The following MYO1F variants were observed in gnomAD, a reference collection of about 807,000 sequenced individuals.
The protein encoded by MYO1F is myosin IF, also known as unconventional myosin-If.
A neutral mutation model predicts 146.6 loss-of-function variants in MYO1F; 60 were observed. The observed-to-expected ratio is 0.41, with a 90% confidence interval of 0.33 to 0.51. The LOEUF is 0.51. Ranked by LOEUF, MYO1F falls within the 20% of genes least tolerant of loss-of-function variation. The pLI is 0.25. For synonymous variants in MYO1F, 602 were observed against 602.1 expected (o/e 1.00, Z 0.00); for missense variants, 1,274 against 1,534.3 (o/e 0.83, Z 2.83).
chr19:8,540,127 A>T, intron 15 of MYO1F, 99 bp from the exon 16 acceptor site: 1 of 887,836 alleles, frequency 1.1e-6, no homozygotes, highest in Non-Finnish European at 1.7e-6. Flanking sequence ...AACGCAAAAT[A>T]TGGTTCTCTC....
At position 8,526,821 on chromosome 19, in the gene MYO1F, C is replaced by T; in HGVS notation, c.2589G>A (p.Thr863=). The T allele has an allele frequency of 6.2e-7, 1 of 1,613,320 alleles. No homozygotes were observed. ...SLLCKRFEEA[T]RRPLPLTFSD... The stretch of plus-strand genomic sequence containing the variant: ...TGAAGGTGAGGGGCAGGGGCCTCCG[C>T]GTCGCCTCCTCGAAGCGCTTGCACA... The change falls in exon 23 of 28, where the codon ACG becomes ACA. Residue 863 remains threonine (T), a synonymous_variant. Transcript: ENST00000644032.
intron 2 of MYO1F, 87 bp downstream of exon 2, chr19:8,555,572 C>T: frequency 1.3e-6 from 2 of 1,581,072 alleles, no homozygotes; most frequent in African/African-American, 2.7e-5. Context: ...CCCATTCCTC[C>T]CTCTGCTCCT....
chr19:8,574,566 T>TCTTTCTTC (rs2042174628), intron 1 of MYO1F, among the ~76,000 whole-genome samples: 5 of 86,820 alleles, frequency 5.8e-5, no homozygotes, highest in Non-Finnish European at 1.2e-4. Flanking sequence ...TTTCTTTCTT[T>TCTTTCTTC]CTTTCTTTCT....
rs376311227 is a variant in MYO1F at position 8,539,943 on chromosome 19, C to G, written c.1692+4G>C. On this transcript the variant is annotated splice_donor_region_variant and intron_variant, in intron 16 of 27. Coordinates refer to ENST00000644032, the MANE Select transcript of MYO1F (RefSeq NM_012335.4). ...CAGCTCCCCGTTGTACACCCCAGGC[C>G]CACCTTGATCTTGGAGCCGGCGGTG... is the stretch of plus-strand genomic sequence containing the variant. The G allele has an allele frequency of 3.2e-5, 51 of 1,612,526 alleles. No homozygotes were observed. The highest frequency in any genetic ancestry group is 1.7e-4 in the Middle Eastern group (1 of 5,966).
At chr19:8,548,790 C>T (rs7258504) in intron 10 of MYO1F, among the ~76,000 whole-genome samples, 26,313 of 150,072 alleles carry the variant, frequency 0.18, 4,996 homozygotes, top group African/African-American at 0.47. Flanking sequence ...TTAGTAGAGA[C>T]GGGGTTTCAC....
At chr19:8,576,296 GCCC>G (rs1369380103) in intron 1 of MYO1F, 1 of 152,334 alleles carries the variant, frequency 6.6e-6, no homozygotes, top group Non-Finnish European at 1.5e-5. Flanking sequence ...ACTGTCCCTG[GCCC>G]TCACTGGCTT....
chr19:8,563,791 G>A (rs1045370567), intron 1 of MYO1F, among the ~76,000 whole-genome samples: 2 of 151,770 alleles, frequency 1.3e-5, no homozygotes, highest in Non-Finnish European at 2.9e-5. Flanking sequence ...GGATTACAGG[G>A]GTGAGCCACC....
chr19:8,547,388 G>A lies in MYO1F; in HGVS notation c.1269+648C>T, dbSNP rs943579232. On this transcript the variant is annotated intron_variant, in intron 12 of 27. Coordinates refer to ENST00000644032, the MANE Select transcript of MYO1F (RefSeq NM_012335.4). Reference sequence around the variant, plus strand: ...TGGGAGGCTGAGGTGGGTGGATCACGAGGTCAGGAGTTTGAGACCAGTCTG... The same window carrying A: ...TGGGAGGCTGAGGTGGGTGGATCACAAGGTCAGGAGTTTGAGACCAGTCTG... Among the ~76,000 whole-genome samples, 6 of 149,582 alleles carry A rather than the reference G, an allele frequency of 4.0e-5. No homozygotes were observed. In the Admixed American group the frequency reaches 4.1e-4, roughly 10 times the overall value.
chr19:8,550,782 C>G, intron 8 of MYO1F, 88 bp from the exon 9 acceptor site: 5 of 1,585,364 alleles, frequency 3.2e-6, no homozygotes, highest in Non-Finnish European at 4.3e-6. Flanking sequence ...ACAGCACGGA[C>G]TCAGGGAGTG....
chr19:8,548,224 C>A lies in MYO1F; in HGVS notation c.1182+13G>T. 1 of 1,613,774 alleles carries A rather than the reference C, an allele frequency of 6.2e-7. No homozygotes were observed. The highest frequency in any genetic ancestry group is 1.1e-5 in the South Asian group (1 of 91,062). The stretch of plus-strand genomic sequence containing the variant: ...GGGAGGACAGGATGTGGGCTGGAGG[C>A]AGGGGGCCGTACCTGGAAGATCTCG... On this transcript the variant is annotated intron_variant, in intron 11 of 27. Transcript: ENST00000644032.
chr19:8,544,667 G>A (rs1361211842), intron 13 of MYO1F, among the ~76,000 whole-genome samples: 1 of 152,004 alleles, frequency 6.6e-6, no homozygotes, highest in Non-Finnish European at 1.5e-5. Flanking sequence ...GGGGGGCAAG[G>A]GTGTGTGGGG....
At chr19:8,562,367 G>C (rs1419119563) in intron 1 of MYO1F, among the ~76,000 whole-genome samples, 1 of 151,886 alleles carries the variant, frequency 6.6e-6, no homozygotes, top group Non-Finnish European at 1.5e-5. Context: ...GAGTGCACTG[G>C]TGCGATCATA....
intron 1 of MYO1F, among the ~76,000 whole-genome samples, chr19:8,560,115 T>G (rs1974022684): frequency 6.6e-6 from 1 of 151,986 alleles, no homozygotes; most frequent in South Asian, 2.1e-4. Context: ...GCAGCTTCCT[T>G]AAGGACACGG....
chr19:8,572,424 C>T (rs1232778029), intron 1 of MYO1F, among the ~76,000 whole-genome samples: 5 of 152,044 alleles, frequency 3.3e-5, no homozygotes, highest in Admixed American at 1.3e-4. Context: ...CATGCCACCC[C>T]GCTTGGCTAA....
At chr19:8,563,320 C>A (rs1335416467) in intron 1 of MYO1F, among the ~76,000 whole-genome samples, 1 of 126,078 alleles carries the variant, frequency 7.9e-6, no homozygotes, top group Non-Finnish European at 1.6e-5. Flanking sequence ...TTTTTTGAGA[C>A]ACAGTCTTGC....
chr19:8,539,921 C>T, intron 16 of MYO1F, 26 bp downstream of exon 16: 1 of 1,605,594 alleles, frequency 6.2e-7, no homozygotes. Flanking sequence ...GCAGGCCCAG[C>T]TCCCCGTTGT....
chr19:8,548,841 G>A (rs957210080), intron 10 of MYO1F, among the ~76,000 whole-genome samples: 11 of 151,676 alleles, frequency 7.3e-5, no homozygotes, highest in African/African-American at 2.7e-4. Context: ...GCCCGCCTCG[G>A]CCTCCCAAAG....
At chr19:8,572,981 C>A (rs2042137909) in intron 1 of MYO1F, among the ~76,000 whole-genome samples, 1 of 152,212 alleles carries the variant, frequency 6.6e-6, no homozygotes, top group Non-Finnish European at 1.5e-5. Flanking sequence ...CAGGCATGAG[C>A]CATTGTTCCT....
chr19:8,547,376 T>C (rs987608049), intron 12 of MYO1F, among the ~76,000 whole-genome samples: 1 of 128,168 alleles, frequency 7.8e-6, no homozygotes, highest in Non-Finnish European at 1.6e-5. Flanking sequence ...GAGGCTGAGG[T>C]GGGTGGATCA....
Sources: allele counts gnomAD v4.1 joint callset (sites outside exome capture counted in the v4.1 genomes callset), GRCh38; gene constraint gnomAD v4.1.1; transcripts MANE v1.5; gene names NCBI Gene and HGNC (gene_info 2026-07-23, HGNC 2026-07-21).